Variants in ITGA8 observed in about 807,000 individuals in gnomAD.
ITGA8 encodes integrin subunit alpha 8, also known as integrin alpha-8.
ITGA8 carries 91 observed loss-of-function variants against 142.3 expected under a neutral mutation model. That is an observed-to-expected ratio of 0.64 (90% CI 0.54 to 0.76). ITGA8 has a LOEUF of 0.76. ITGA8 is among the 30% of genes least tolerant of loss of function. The pLI, the probability that ITGA8 is intolerant of heterozygous loss-of-function variation, is 0.00. For synonymous variants in ITGA8, 505 were observed against 485.2 expected (o/e 1.04, Z -0.54); for missense variants, 1,406 against 1,327.7 (o/e 1.06, Z -0.92).
chr10:15,534,562 T>C (rs1020563721), intron 27 of ITGA8, among the ~76,000 whole-genome samples: 1 of 152,242 alleles, frequency 6.6e-6, no homozygotes, highest in Non-Finnish European at 1.5e-5. Flanking sequence ...TCCCACTCCA[T>C]GTACCATCCA....
At chr10:15,608,785 G>A (rs9333155) in intron 15 of ITGA8, among the ~76,000 whole-genome samples, 3,377 of 152,084 alleles carry the variant, frequency 0.022, 102 homozygotes, top group East Asian at 0.084. Context: ...TGAGGAACAG[G>A]GCTTTGAAAG....
At chr10:15,708,384 GA>G (rs1012505214) in intron 2 of ITGA8, among the ~76,000 whole-genome samples, 16 of 151,940 alleles carry the variant, frequency 1.1e-4, no homozygotes, top group South Asian at 2.1e-4. Flanking sequence ...AAAGAAAAGA[GA>G]AAAAAAATTT....
intron 2 of ITGA8, among the ~76,000 whole-genome samples, chr10:15,704,102 A>G (rs915384486): frequency 6.6e-6 from 1 of 152,202 alleles, no homozygotes; most frequent in Non-Finnish European, 1.5e-5. Context: ...TTGCACTCCC[A>G]TATTTCAATG....
intron 27 of ITGA8, among the ~76,000 whole-genome samples, chr10:15,544,354 A>G (rs995027467): frequency 1.3e-5 from 2 of 152,120 alleles, no homozygotes; most frequent in Admixed American, 6.5e-5. Context: ...CCCCATAAAA[A>G]CAAATAACTT....
chr10:15,710,829 TGG>T (rs1303023332), intron 2 of ITGA8, among the ~76,000 whole-genome samples: 1 of 152,154 alleles, frequency 6.6e-6, no homozygotes, highest in Non-Finnish European at 1.5e-5. Flanking sequence ...GCGTATAGCG[TGG>T]GCCGGGTCAG....
intron 28 of ITGA8, among the ~76,000 whole-genome samples, chr10:15,529,803 C>T (rs752923873): frequency 2.0e-4 from 30 of 152,190 alleles, no homozygotes; most frequent in Non-Finnish European, 3.7e-4. Flanking sequence ...TATCTACCAT[C>T]CAAAGCAGTG....
intron 26 of ITGA8, among the ~76,000 whole-genome samples, chr10:15,556,015 T>A (rs2131564985): frequency 1.3e-5 from 1 of 78,642 alleles, no homozygotes; most frequent in Non-Finnish European, 2.7e-5. Flanking sequence ...GGTCTCTCTC[T>A]CTCTTTTTTT....
At chr10:15,535,697 C>G (rs1833416676) in intron 27 of ITGA8, among the ~76,000 whole-genome samples, 1 of 152,140 alleles carries the variant, frequency 6.6e-6, no homozygotes, top group Non-Finnish European at 1.5e-5. Context: ...GACCACTGGG[C>G]TCTCTGTAAA....
intron 13 of ITGA8, among the ~76,000 whole-genome samples, chr10:15,641,576 T>C (rs935624495): frequency 4.6e-5 from 7 of 152,130 alleles, no homozygotes; most frequent in Admixed American, 4.6e-4. Flanking sequence ...TCCATATTCC[T>C]ATTTGAGAGA....
intron 20 of ITGA8, among the ~76,000 whole-genome samples, chr10:15,598,923 A>G (rs1193095200): frequency 6.6e-6 from 1 of 152,226 alleles, no homozygotes; most frequent in Non-Finnish European, 1.5e-5. Context: ...GTATGTCTTC[A>G]GCTCCTTAAG....
At chr10:15,592,353 A>T in intron 21 of ITGA8, 49 bp from the exon 22 acceptor site, 1 of 1,381,412 alleles carries the variant, frequency 7.2e-7, no homozygotes, top group African/African-American at 1.4e-5. Flanking sequence ...CACAACATAA[A>T]AATATTTTGT....
intron 26 of ITGA8, among the ~76,000 whole-genome samples, chr10:15,553,193 G>A (rs113145737): frequency 3.9e-5 from 6 of 152,048 alleles, no homozygotes; most frequent in African/African-American, 1.4e-4. Context: ...GGAGGCCGAG[G>A]TTACAGTAAG....
chr10:15,617,608 C>T (rs1833418294), intron 13 of ITGA8, among the ~76,000 whole-genome samples: 1 of 152,058 alleles, frequency 6.6e-6, no homozygotes, highest in Admixed American at 6.5e-5. Context: ...ACTGTGTTAA[C>T]CAGGATGGTG....
chr10:15,516,725 T>A lies in ITGA8; in HGVS notation c.*433A>T, dbSNP rs978557715. ...TCAAATGTTCCATTGGATACAGTAG[T>A]GTTGGATGGTGTGGTCTTAGTTCTA... On this transcript the variant is annotated 3_prime_UTR_variant, in exon 30 of 30. Transcript: ENST00000378076. 1 of 154,858 alleles carries A rather than the reference T, an allele frequency of 6.5e-6. No individual in the cohort carries two copies. The highest frequency in any genetic ancestry group is 2.4e-5 in the African/African-American group (1 of 41,466). 9.6% of individuals were successfully genotyped at this position (154,858 alleles called of 1,614,324 possible).
chr10:15,531,371 C>T lies in ITGA8; in HGVS notation c.2881-220G>A, dbSNP rs9333237. Among the ~76,000 whole-genome samples the T allele has an allele frequency of 6.8e-3, 1,033 of 152,008 alleles. 12 individuals carry two copies. Among genetic ancestry groups the T allele is most frequent in the African/African-American group, 0.023 (955 of 41,484 alleles). On this transcript the variant is annotated intron_variant, in intron 27 of 29. Transcript: ENST00000378076. Reference sequence around the variant, plus strand: ...GCATCCATCCATCTAAGCGTCGAAGCGTGAATCCATCTATCCAAGCATCCA... The same window carrying T: ...GCATCCATCCATCTAAGCGTCGAAGTGTGAATCCATCTATCCAAGCATCCA...
intron 1 of ITGA8, 101 bp downstream of exon 1, chr10:15,719,462 G>T (rs1835516744): frequency 9.2e-7 from 1 of 1,089,814 alleles, no homozygotes; most frequent in Non-Finnish European, 1.3e-6. Context: ...GCGGCAGGAC[G>T]GGGATCCCAG....
chr10:15,604,429 A>G (rs1833156883), intron 19 of ITGA8, 74 bp from the exon 20 acceptor site: 1 of 1,270,562 alleles, frequency 7.9e-7, no homozygotes, highest in Non-Finnish European at 1.1e-6. Flanking sequence ...TTAAGGATTT[A>G]TAGAGGAGGA....
rs570577575 is a variant in ITGA8 at position 15,615,830 on chromosome 10, T to A, written c.1445+684A>T. 3.3e-5 allele frequency among the ~76,000 whole-genome samples: 5 copies of A among 152,208 alleles called. No individual in the cohort carries two copies. In the South Asian group the frequency reaches 8.3e-4, roughly 25 times the overall value. ...TGTCCTGCCATAAAACTTTTTTTTTTAAAAGAAGCTAAAGTTGAGCACCAC... is the reference window on the plus strand; with the variant it reads ...TGTCCTGCCATAAAACTTTTTTTTTAAAAAGAAGCTAAAGTTGAGCACCAC... On this transcript the variant is annotated intron_variant, in intron 14 of 29. Coordinates refer to ENST00000378076, the MANE Select transcript of ITGA8 (RefSeq NM_003638.3).
At chr10:15,538,426 C>T (rs192248189) in intron 27 of ITGA8, among the ~76,000 whole-genome samples, 2 of 148,048 alleles carry the variant, frequency 1.4e-5, no homozygotes, top group Admixed American at 6.8e-5. Flanking sequence ...ACGGGAGAAT[C>T]GCTTGAACCC....
Sources: allele counts gnomAD v4.1 joint callset (sites outside exome capture counted in the v4.1 genomes callset), GRCh38; gene constraint gnomAD v4.1.1; transcripts MANE v1.5; gene names NCBI Gene and HGNC (gene_info 2026-07-23, HGNC 2026-07-21).